The following HRH1 variants were observed in gnomAD, a reference collection of about 807,000 sequenced individuals.
HRH1 encodes the protein histamine H1 receptor.
Under a neutral mutation model 10.3 loss-of-function variants are expected in HRH1, and 6 were observed. That is an observed-to-expected ratio of 0.58 (90% CI 0.32 to 1.15). The LOEUF is 1.15. Ranked by LOEUF, HRH1 falls within the 50% of genes most tolerant of loss-of-function variation. The pLI, the probability that HRH1 is intolerant of heterozygous loss-of-function variation, is 0.05. For missense variants in HRH1, 514 were observed against 615.3 expected (o/e 0.84, Z 1.74); for synonymous variants, 242 against 236.7 (o/e 1.02, Z -0.21).
At chr3:11,180,930 A>C (rs1937338373) in intron 1 of HRH1, among the ~76,000 whole-genome samples, 1 of 147,200 alleles carries the variant, frequency 6.8e-6, no homozygotes, top group South Asian at 2.2e-4. Context: ...CTGTGTGGAC[A>C]TACACTTCTC....
In HRH1 at chr3:11,259,208, G is replaced by T. The variant is rs754067331; in HGVS notation, c.171G>T (p.Lys57Asn). 1 of 1,613,762 alleles carries T rather than the reference G, an allele frequency of 6.2e-7. No individual in the cohort carries two copies. The highest frequency in any genetic ancestry group is 2.2e-5 in the East Asian group (1 of 44,842). Residue 57 changes from lysine to asparagine, a missense_variant, in exon 2 of 2, where the codon AAG becomes AAT. Lys to Asn is a moderately conservative substitution (Grantham distance 94). Transcript: ENST00000431010. The surrounding 1 kb of genome is among the most constrained non-coding windows in gnomAD (Gnocchi z 4.6). ...TGTATGCCGTACGGAGTGAGCGGAA[G>T]CTCCACACTGTGGGGAACCTGTACA... ...LVLYAVRSER[K>N]LHTVGNLYIV...
At chr3:11,247,670 A>G (rs1161689482) in intron 1 of HRH1, among the ~76,000 whole-genome samples, 2 of 151,358 alleles carry the variant, frequency 1.3e-5, no homozygotes, top group East Asian at 3.9e-4. Context: ...AGAACAGGGA[A>G]CTAAAGCTTT....
At chr3:11,179,386 C>T (rs927301618) in intron 1 of HRH1, among the ~76,000 whole-genome samples, 1 of 151,440 alleles carries the variant, frequency 6.6e-6, no homozygotes, top group Non-Finnish European at 1.5e-5. Flanking sequence ...TTTGGGAGGC[C>T]GAGGTGGGTG....
chr3:11,156,633 G>A (rs1329232531), intron 1 of HRH1, among the ~76,000 whole-genome samples: 2 of 152,276 alleles, frequency 1.3e-5, no homozygotes, highest in Middle Eastern at 3.4e-3. Context: ...ACACGTCTCC[G>A]TTCCTTGGTT....
At chr3:11,188,445 C>A (rs930197469) in intron 1 of HRH1, among the ~76,000 whole-genome samples, 12 of 152,066 alleles carry the variant, frequency 7.9e-5, no homozygotes, top group Non-Finnish European at 1.3e-4. Flanking sequence ...ATGGTGGCAC[C>A]TTAGAAGGCT....
intron 1 of HRH1, among the ~76,000 whole-genome samples, chr3:11,242,211 G>GTGGCTCATGCCT (rs1939363746): frequency 6.6e-6 from 1 of 152,038 alleles, no homozygotes; most frequent in Non-Finnish European, 1.5e-5. Context: ...GCCGGGTGCG[G>GTGGCTCATGCCT]TGGCTCATGC....
Position 11,144,947 on chromosome 3 carries a change from G to A in HRH1, c.-36+7548G>A, listed in dbSNP as rs533937487. Among the ~76,000 whole-genome samples, 28 of 152,218 alleles carry A rather than the reference G, an allele frequency of 1.8e-4. 1 individual carries two copies. The highest frequency in any genetic ancestry group is 6.3e-4 in the African/African-American group (26 of 41,538). On this transcript the variant is annotated intron_variant, in intron 1 of 1. Transcript: ENST00000438284. The stretch of plus-strand genomic sequence containing the variant: ...TCAGTAAATAGCTCCACCTTGCCAT[G>A]AAAGGCAAGAACCCATGAGTTTCCT...
Position 11,217,817 on chromosome 3 carries a change from G to A in HRH1, c.-35-41186G>A, listed in dbSNP as rs578058459. On this transcript the variant is annotated intron_variant, in intron 1 of 1. Transcript: ENST00000431010. ...AGCTGCTAAGATTATTAGAAAATGA[G>A]ACAAACAGACATTATATACCACCTA... Among the ~76,000 whole-genome samples, 63 of 152,238 alleles carry A rather than the reference G, an allele frequency of 4.1e-4. 2 individuals carry two copies. The South Asian group carries it at 0.012, about 30-fold the overall frequency.
chr3:11,258,242 C>CAAAAAAA (rs33992856), intron 1 of HRH1, among the ~76,000 whole-genome samples: 3 of 76,358 alleles, frequency 3.9e-5, no homozygotes, highest in Non-Finnish European at 7.1e-5. Flanking sequence ...TGATGTAAGC[C>CAAAAAAA]AAAAAAAAAA....
chr3:11,176,000 A>C (rs1169151276), intron 1 of HRH1, among the ~76,000 whole-genome samples: 2 of 152,066 alleles, frequency 1.3e-5, no homozygotes, highest in African/African-American at 4.8e-5. Flanking sequence ...CTCTCCAAAA[A>C]AAAATAAATA....
chr3:11,181,008 C>T (rs988247339), intron 1 of HRH1, among the ~76,000 whole-genome samples: 5 of 150,692 alleles, frequency 3.3e-5, no homozygotes, highest in East Asian at 2.0e-4. Flanking sequence ...CACGGCCAGG[C>T]GCAGAGGTTC....
At chr3:11,209,007 A>G (rs1007302331) in intron 1 of HRH1, among the ~76,000 whole-genome samples, 6 of 152,230 alleles carry the variant, frequency 3.9e-5, no homozygotes, top group African/African-American at 1.2e-4. Flanking sequence ...TTCACCCTCA[A>G]CTGCCTTGTA....
rs1575051334 is a variant in HRH1 at position 11,261,550 on chromosome 3, C to T, written c.*1049C>T. On this transcript the variant is annotated 3_prime_UTR_variant, in exon 2 of 2. Transcript: ENST00000431010. Reference sequence around the variant, plus strand: ...TTTCTCCGAAAGGCAAAAATGTGCCCTTTTGGCCGGGCATGGTAGCTCAAG... The same window carrying T: ...TTTCTCCGAAAGGCAAAAATGTGCCTTTTTGGCCGGGCATGGTAGCTCAAG... 1 of 167,038 alleles carries T rather than the reference C, an allele frequency of 6.0e-6. No homozygotes were observed. The highest frequency in any genetic ancestry group is 2.4e-5 in the African/African-American group (1 of 41,416). The allele number at this position is 167,038 out of a possible 1,614,324, so 10.3% of individuals were successfully genotyped here. A position where few individuals can be genotyped will look rare whatever the true frequency, so the allele number is the denominator to read the frequency against.
chr3:11,197,133 A>C (rs1429616106), intron 1 of HRH1, among the ~76,000 whole-genome samples: 1 of 151,624 alleles, frequency 6.6e-6, no homozygotes, highest in African/African-American at 2.4e-5. Flanking sequence ...TCAAAAAAAA[A>C]AAAAAAAGCA....
At chr3:11,239,441 C>T (rs1401245200) in intron 1 of HRH1, among the ~76,000 whole-genome samples, 1 of 152,090 alleles carries the variant, frequency 6.6e-6, no homozygotes, top group Admixed American at 6.6e-5. Flanking sequence ...GATATATGAC[C>T]TATAAATATT....
chr3:11,143,537 C>T (rs187216745), intron 1 of HRH1, among the ~76,000 whole-genome samples: 2 of 152,338 alleles, frequency 1.3e-5, no homozygotes. Flanking sequence ...TCCCAAACAT[C>T]CCTGGAACTT....
chr3:11,235,214 C>CAA (rs111638451), intron 1 of HRH1, among the ~76,000 whole-genome samples: 25 of 128,736 alleles, frequency 1.9e-4, no homozygotes, highest in African/African-American at 5.8e-4. Flanking sequence ...GACTCCATCT[C>CAA]AAAAAAAAAA....
Position 11,259,826 on chromosome 3 carries a change from G to A in HRH1, c.789G>A (p.Lys263=), listed in dbSNP as rs1403002165. 12 of 1,613,858 alleles carry A rather than the reference G, an allele frequency of 7.4e-6. No homozygotes were observed. The highest frequency in any genetic ancestry group is 5.3e-5 in the African/African-American group (4 of 74,892). Residue 263 remains lysine (K), a synonymous_variant, in exon 2 of 2, where the codon AAG becomes AAA. Transcript: ENST00000431010. The surrounding 1 kb of genome is among the most constrained non-coding windows in gnomAD (Gnocchi z 4.6). ...CTCCCTGGGAGGTTCTGAAAAGGAA[G>A]CCAAAAGATGCTGGTGGTGGATCTG... ...KESPWEVLKR[K]PKDAGGGSVL...
At chr3:11,137,636 A>C (rs1574964260) in intron 1 of HRH1, among the ~76,000 whole-genome samples, 1 of 151,818 alleles carries the variant, frequency 6.6e-6, no homozygotes, top group African/African-American at 2.4e-5. Flanking sequence ...TGGATGGTGG[A>C]GTGATGGGGG....
Sources: allele counts gnomAD v4.1 joint callset (sites outside exome capture counted in the v4.1 genomes callset), GRCh38; gene constraint gnomAD v4.1.1; non-coding constraint Gnocchi (gnomAD v3.1); transcripts MANE v1.5; gene names NCBI Gene and HGNC (gene_info 2026-07-23, HGNC 2026-07-21).